The following PRKCB variants were observed in gnomAD, a reference collection of about 807,000 sequenced individuals.
PRKCB encodes the protein protein kinase C beta, also known as protein kinase C beta type.
A neutral mutation model predicts 81.5 loss-of-function variants in PRKCB; 13 were observed. The ratio of observed to expected loss-of-function variants is 0.16; its 90% CI spans 0.10 to 0.25. The LOEUF (loss-of-function observed/expected upper bound fraction) is 0.25. PRKCB is among the 10% of genes least tolerant of loss of function. The probability of loss-of-function intolerance (pLI) is 1.00; values close to 1 mark genes in which losing one functional copy is unlikely to be tolerated. For synonymous variants in PRKCB, 335 were observed against 321.4 expected, an observed-to-expected ratio of 1.04 and a Z score of -0.45; for missense variants, 509 against 875.7, an observed-to-expected ratio of 0.58 and a Z score of 5.29.
chr16:23,935,408 C>A (rs1444675834), intron 2 of PRKCB, among the ~76,000 whole-genome samples: 2 of 152,150 alleles, frequency 1.3e-5, no homozygotes, highest in South Asian at 2.1e-4. Context: ...AAAGTAGGTT[C>A]TCTCCTGCCA....
At chr16:23,935,527 A>G (rs529230608) in intron 2 of PRKCB, among the ~76,000 whole-genome samples, 1 of 152,292 alleles carries the variant, frequency 6.6e-6, no homozygotes, top group South Asian at 2.1e-4. Flanking sequence ...AGCTTTGGGC[A>G]TATATATCCC....
At chr16:23,935,354 T>C (rs1964043642) in intron 2 of PRKCB, among the ~76,000 whole-genome samples, 1 of 152,212 alleles carries the variant, frequency 6.6e-6, no homozygotes, top group Non-Finnish European at 1.5e-5. Context: ...CAGTCAGTTT[T>C]CTGAACATCA....
chr16:24,056,235 C>G (rs1306936959), intron 5 of PRKCB, among the ~76,000 whole-genome samples: 3 of 152,238 alleles, frequency 2.0e-5, no homozygotes, highest in Non-Finnish European at 4.4e-5. Context: ...ATTTCCCCAG[C>G]TTCCTCATTC....
rs71154286 is a variant in PRKCB, at chr16:24,181,771, C to CA, written c.1533+863dup. On this transcript the variant is annotated intron_variant, in intron 13 of 16. Transcript: ENST00000643927. ...TGGGTGACACAGTAAGACCCTGTCT[C>CA]AAAAAAAAAAAAAAAAAAAAGAAGA... Among the ~76,000 whole-genome samples the CA allele has an allele frequency of 0.022, 538 of 24,564 alleles. 45 individuals carry two copies. In the Middle Eastern group the frequency reaches 0.27, roughly 12 times the overall value. 16.1% of individuals were successfully genotyped at this position (24,564 alleles called of 152,430 possible).
intron 12 of PRKCB, among the ~76,000 whole-genome samples, chr16:24,175,450 G>T (rs1218647584): frequency 6.6e-6 from 1 of 151,900 alleles, no homozygotes; most frequent in African/African-American, 2.4e-5. Flanking sequence ...CCCCCGTGGA[G>T]TTTATCTTTC....
intron 2 of PRKCB, among the ~76,000 whole-genome samples, chr16:23,867,350 G>A (rs1962825362): frequency 6.6e-6 from 1 of 152,118 alleles, no homozygotes; most frequent in African/African-American, 2.4e-5. Context: ...TTGAACTCCT[G>A]ACCTCAGGTG....
At chr16:24,084,180 T>C (rs1176765623) in intron 5 of PRKCB, among the ~76,000 whole-genome samples, 6 of 152,050 alleles carry the variant, frequency 3.9e-5, no homozygotes, top group Admixed American at 6.6e-5. Context: ...AAATGACAGA[T>C]GTAGAGAACA....
At chr16:23,940,561 A>G (rs1964128634) in intron 2 of PRKCB, among the ~76,000 whole-genome samples, 1 of 152,118 alleles carries the variant, frequency 6.6e-6, no homozygotes, top group African/African-American at 2.4e-5. Flanking sequence ...GGAAAACAGA[A>G]CAAAGCAAAG....
intron 2 of PRKCB, among the ~76,000 whole-genome samples, chr16:23,973,756 C>T (rs547450767): frequency 6.6e-6 from 1 of 152,152 alleles, no homozygotes; most frequent in South Asian, 2.1e-4. Flanking sequence ...TCACGGCTCA[C>T]TGCAGCCTCG....
chr16:24,124,193 A>G (rs1343410488), intron 9 of PRKCB, among the ~76,000 whole-genome samples: 4 of 152,222 alleles, frequency 2.6e-5, no homozygotes, highest in Non-Finnish European at 2.9e-5. Context: ...AGGAGGTGAC[A>G]CATATACTGA....
intron 3 of PRKCB, among the ~76,000 whole-genome samples, chr16:24,031,296 G>A (rs969674806): frequency 9.9e-5 from 15 of 152,200 alleles, no homozygotes; most frequent in Admixed American, 2.6e-4. Context: ...TCAGCCCAAA[G>A]GGACAAAATT....
At position 23,857,264 on chromosome 16, in the gene PRKCB, G is replaced by A. The variant is rs192506759; in HGVS notation, c.205+19858G>A. ...TCAGAGAGCTGTGTCGAATGCTGGC[G>A]GAGAACTGTCCCTCTCCTGCAGAGA... On this transcript the variant is annotated intron_variant, in intron 2 of 16. Coordinates refer to ENST00000643927, the MANE Select transcript of PRKCB (RefSeq NM_002738.7). Among the ~76,000 whole-genome samples, 206 of 152,314 alleles carry A rather than the reference G, an allele frequency of 1.4e-3. 8 individuals carry two copies. In the South Asian group the frequency reaches 0.038, roughly 28 times the overall value.
At chr16:24,033,548 G>A (rs1255083400) in intron 4 of PRKCB, among the ~76,000 whole-genome samples, 1 of 152,050 alleles carries the variant, frequency 6.6e-6, no homozygotes, top group Non-Finnish European at 1.5e-5. Context: ...GATCACCTAA[G>A]GTCAGGAGTT....
chr16:24,033,211 C>T (rs989791175), intron 4 of PRKCB, among the ~76,000 whole-genome samples: 4 of 152,106 alleles, frequency 2.6e-5, no homozygotes, highest in African/African-American at 4.8e-5. Context: ...TGGTACTGCT[C>T]TCCCAAGGGT....
intron 2 of PRKCB, among the ~76,000 whole-genome samples, chr16:23,871,381 C>T (rs771248630): frequency 5.3e-5 from 8 of 152,138 alleles, no homozygotes; most frequent in South Asian, 4.1e-4. Context: ...AATGTGTGCT[C>T]CAGGCACTCT....
chr16:24,081,734 C>T (rs774620389), intron 5 of PRKCB, among the ~76,000 whole-genome samples: 5 of 152,006 alleles, frequency 3.3e-5, no homozygotes, highest in Non-Finnish European at 5.9e-5. Context: ...ATTAGTCGGG[C>T]GTGGTGGCAG....
chr16:24,166,195 G>A (rs999645749), intron 10 of PRKCB, among the ~76,000 whole-genome samples: 2 of 151,940 alleles, frequency 1.3e-5, no homozygotes, highest in African/African-American at 2.4e-5. Context: ...ATATGTACTT[G>A]TTTTCTATAG....
intron 5 of PRKCB, among the ~76,000 whole-genome samples, chr16:24,060,999 A>G (rs1488151258): frequency 2.6e-5 from 4 of 151,984 alleles, no homozygotes; most frequent in Non-Finnish European, 5.9e-5. Context: ...GGGACTGACT[A>G]TTCTGTCTTG....
At position 24,180,885 on chromosome 16, in the gene PRKCB, C is replaced by T; in HGVS notation, c.1490C>T (p.Thr497Ile). The T allele has an allele frequency of 6.2e-6, 10 of 1,614,166 alleles. No individual in the cohort carries two copies. The highest frequency in any genetic ancestry group is 8.5e-6 in the Non-Finnish European group (10 of 1,180,032). ...MCKENIWDGV[T>I]TKTFCGTPDY... is the part of the protein sequence containing the mutation. The stretch of plus-strand genomic sequence containing the variant: ...AAGGAAAACATCTGGGATGGGGTGA[C>T]AACCAAGACATTCTGTGGCACTCCA... The change falls in exon 13 of 17, where the codon ACA becomes ATA. Residue 497 changes from threonine (T) to isoleucine (I), a missense_variant. Transcript: ENST00000643927.
Sources: allele counts gnomAD v4.1 joint callset (sites outside exome capture counted in the v4.1 genomes callset), GRCh38; gene constraint gnomAD v4.1.1; transcripts MANE v1.5; gene names NCBI Gene and HGNC (gene_info 2026-07-23, HGNC 2026-07-21).